The following SCARA3 variants were observed in gnomAD, a reference collection of about 807,000 sequenced individuals.
SCARA3 encodes scavenger receptor class A member 3, also known as cellular stress response gene protein.
SCARA3 carries 39 observed loss-of-function variants against 47.0 expected under a neutral mutation model. That is an observed-to-expected ratio of 0.83 (90% CI 0.64 to 1.08). The LOEUF (loss-of-function observed/expected upper bound fraction) is 1.08, where lower values mean the gene tolerates loss of function less well. Ranked by LOEUF, SCARA3 falls within the 50% of genes least tolerant of loss-of-function variation. SCARA3 has a pLI of 0.00. For synonymous variants in SCARA3, 356 were observed against 334.1 expected (o/e 1.07, Z -0.71); for missense variants, 724 against 792.3 (o/e 0.91, Z 1.04).
the SCARA3 span, among the ~76,000 whole-genome samples, chr8:27,730,215 G>A: frequency 6.6e-6 from 1 of 152,202 alleles, no homozygotes; most frequent in Non-Finnish European, 1.5e-5. Context: ...CATTCATCCT[G>A]TAACTCTGTG....
chr8:27,673,535 T>C (rs35643026), downstream of SCARA3, among the ~76,000 whole-genome samples: 2 of 152,038 alleles, frequency 1.3e-5, no homozygotes, highest in African/African-American at 4.8e-5. Flanking sequence ...GTTTTTTGGG[T>C]TTTTTTGGAG....
At chr8:27,670,822 G>T (rs1802129665) in intron 5 of SCARA3, 78 bp from the exon 6 acceptor site, 2 of 1,250,336 alleles carry the variant, frequency 1.6e-6, no homozygotes, top group African/African-American at 3.1e-5. Context: ...CTGTCGCCGT[G>T]CCCGCTCTGC....
chr8:27,731,584 G>A, the SCARA3 span, among the ~76,000 whole-genome samples: 55 of 147,344 alleles, frequency 3.7e-4, no homozygotes, highest in African/African-American at 1.3e-3. Flanking sequence ...GGAGGTTGCA[G>A]TGAGCCAAGA....
At chr8:27,722,099 T>C in the SCARA3 span, among the ~76,000 whole-genome samples, 4 of 152,106 alleles carry the variant, frequency 2.6e-5, no homozygotes, top group Non-Finnish European at 5.9e-5. Context: ...CTAAATGAAA[T>C]GAAATATTTA....
At chr8:27,720,163 C>T in the SCARA3 span, among the ~76,000 whole-genome samples, 9 of 151,778 alleles carry the variant, frequency 5.9e-5, no homozygotes, top group Admixed American at 2.6e-4. Context: ...GCTGGGTGCT[C>T]GAAAGCTAGG....
At chr8:27,704,131 G>A in the SCARA3 span, among the ~76,000 whole-genome samples, 2 of 151,688 alleles carry the variant, frequency 1.3e-5, no homozygotes, top group African/African-American at 4.8e-5. Context: ...AAGAGGGAAA[G>A]GAGAAAGAAT....
chr8:27,681,659 C>T (rs767511568), downstream of SCARA3, among the ~76,000 whole-genome samples: 14 of 152,068 alleles, frequency 9.2e-5, no homozygotes, highest in Non-Finnish European at 1.5e-4. Context: ...AATGTCAAGG[C>T]TCCAGTAAGC....
the SCARA3 span, among the ~76,000 whole-genome samples, chr8:27,725,378 A>T: frequency 4.7e-5 from 7 of 148,994 alleles, no homozygotes; most frequent in Admixed American, 4.0e-4. Flanking sequence ...TATAATATTT[A>T]TATTATATTT....
At chr8:27,701,522 C>G in the SCARA3 span, 4 of 151,976 alleles carry the variant, frequency 2.6e-5, no homozygotes, top group South Asian at 4.2e-4. Flanking sequence ...GATGCTTTTT[C>G]ATTCTTTCAT....
intron 2 of SCARA3, 38 bp downstream of exon 2, chr8:27,649,838 G>A (rs185815966): frequency 6.5e-7 from 1 of 1,548,676 alleles, no homozygotes; most frequent in East Asian, 2.3e-5. Flanking sequence ...TCCGCTCTGG[G>A]CTGAGAGATC....
At chr8:27,648,547 T>C (rs111789130) in intron 1 of SCARA3, among the ~76,000 whole-genome samples, 1 of 151,518 alleles carries the variant, frequency 6.6e-6, no homozygotes, top group African/African-American at 2.4e-5. Context: ...GAGCTTGCAG[T>C]GAGCCGAGAT....
downstream of SCARA3, among the ~76,000 whole-genome samples, chr8:27,680,477 T>C (rs1449108426): frequency 6.6e-6 from 1 of 152,128 alleles, no homozygotes; most frequent in Non-Finnish European, 1.5e-5. Context: ...GGGCAAATTC[T>C]TTGAAAGATA....
chr8:27,680,455 C>T (rs1195122169), downstream of SCARA3, among the ~76,000 whole-genome samples: 1 of 151,986 alleles, frequency 6.6e-6, no homozygotes, highest in Non-Finnish European at 1.5e-5. Context: ...AACTCAATAA[C>T]CTAGATGAGA....
downstream of SCARA3, among the ~76,000 whole-genome samples, chr8:27,677,688 T>C (rs1199798521): frequency 6.6e-6 from 1 of 152,232 alleles, no homozygotes; most frequent in East Asian, 1.9e-4. Context: ...TGAACATTAC[T>C]GTGGGCCAAT....
the SCARA3 span, among the ~76,000 whole-genome samples, chr8:27,695,846 A>C: frequency 6.6e-6 from 1 of 152,154 alleles, no homozygotes; most frequent in Non-Finnish European, 1.5e-5. Flanking sequence ...TAAAGAAAAA[A>C]TACAGTAGAA....
chr8:27,728,932 T>C, the SCARA3 span, among the ~76,000 whole-genome samples: 8 of 152,296 alleles, frequency 5.3e-5, no homozygotes, highest in South Asian at 1.7e-3. Flanking sequence ...AAAGGCATGG[T>C]GGCATGTGCC....
chr8:27,708,572 C>T, the SCARA3 span, among the ~76,000 whole-genome samples: 7 of 150,314 alleles, frequency 4.7e-5, no homozygotes, highest in African/African-American at 1.7e-4. Context: ...AAAGAATAAG[C>T]ATAATATTAT....
the SCARA3 span, among the ~76,000 whole-genome samples, chr8:27,718,764 T>G: frequency 6.6e-6 from 1 of 152,258 alleles, no homozygotes; most frequent in Non-Finnish European, 1.5e-5. Flanking sequence ...CCCAGATGAC[T>G]GCATAAAAGC....
intron 5 of SCARA3, among the ~76,000 whole-genome samples, chr8:27,660,396 A>G (rs149358009): frequency 2.6e-5 from 4 of 152,248 alleles, no homozygotes; most frequent in Non-Finnish European, 5.9e-5. Flanking sequence ...TAAATAGTGT[A>G]TAGATAGATG....
Sources: allele counts gnomAD v4.1 joint callset (sites outside exome capture counted in the v4.1 genomes callset), GRCh38; gene constraint gnomAD v4.1.1; transcripts MANE v1.5; gene names NCBI Gene and HGNC (gene_info 2026-07-23, HGNC 2026-07-21).